The following XPO7 variants were observed in gnomAD, a reference collection of about 807,000 sequenced individuals.
XPO7 encodes exportin-7.
Under a neutral mutation model 144.3 loss-of-function variants are expected in XPO7, and 21 were observed. That is an observed-to-expected ratio of 0.15 (90% CI 0.10 to 0.21). XPO7 has a LOEUF of 0.21. XPO7 is among the 10% of genes least tolerant of loss of function. XPO7 has a pLI of 1.00. For synonymous variants in XPO7, 580 were observed against 499.6 expected (o/e 1.16, Z -2.15); for missense variants, 808 against 1,325.8 (o/e 0.61, Z 6.06).
intron 7 of XPO7, among the ~76,000 whole-genome samples, chr8:21,976,945 C>G (rs878871): frequency 0.21 from 32,171 of 152,176 alleles, 5,025 homozygotes; most frequent in African/African-American, 0.44. Context: ...AGGTGTGAGC[C>G]ACTGTGCCCA....
At chr8:21,983,217 C>T (rs867372576) in intron 11 of XPO7, among the ~76,000 whole-genome samples, 1 of 152,192 alleles carries the variant, frequency 6.6e-6, no homozygotes, top group Non-Finnish European at 1.5e-5. Flanking sequence ...ATCTAGTTAT[C>T]AATTCTAATT....
intron 1 of XPO7, among the ~76,000 whole-genome samples, chr8:21,957,262 G>T (rs1237861387): frequency 6.6e-6 from 1 of 152,094 alleles, no homozygotes; most frequent in Non-Finnish European, 1.5e-5. Flanking sequence ...CTGGCTTGGT[G>T]TCTCTCAGTC....
At chr8:21,960,650 AT>A (rs2117311206) in intron 1 of XPO7, among the ~76,000 whole-genome samples, 1 of 152,386 alleles carries the variant, frequency 6.6e-6, no homozygotes, top group African/African-American at 2.4e-5. Context: ...AGGCTCTGGC[AT>A]AGCATTATCA....
chr8:21,966,996 G>C lies in XPO7; in HGVS notation c.158G>C (p.Arg53Thr). 1 of 1,613,042 alleles carries C rather than the reference G, an allele frequency of 6.2e-7. No individual in the cohort carries two copies. Among genetic ancestry groups the C allele is most frequent in the Non-Finnish European group, 8.5e-7 (1 of 1,179,464 alleles). ...CLSKCQLLLERGSSSYSQLLA... is the reference protein window; with the variant it reads ...CLSKCQLLLETGSSSYSQLLA... Reference sequence around the variant, plus strand: ...AGCAAGTGCCAGCTACTCCTCGAAAGAGGAAGTGTGCGTAAGATCTGAAAA... The same window carrying C: ...AGCAAGTGCCAGCTACTCCTCGAAACAGGAAGTGTGCGTAAGATCTGAAAA... The change falls in exon 2 of 28, where the codon AGA becomes ACA. Residue 53 changes from arginine (R) to threonine (T), a missense_variant. Around this residue, in one of 5 missense-constraint regions of XPO7, gnomAD observed 223 missense variants for 368.8 expected, o/e 0.60. Coordinates refer to ENST00000252512, the MANE Select transcript of XPO7 (RefSeq NM_015024.5).
chr8:21,983,849 GCTGCTC>G (rs1433345639), intron 11 of XPO7, among the ~76,000 whole-genome samples: 6 of 146,190 alleles, frequency 4.1e-5, no homozygotes, highest in African/African-American at 1.6e-4. Context: ...TTTTAGTGCT[GCTGCTC>G]CTGCTGCTGC....
At chr8:21,951,617 C>T (rs1338951566) in intron 1 of XPO7, among the ~76,000 whole-genome samples, 1 of 152,144 alleles carries the variant, frequency 6.6e-6, no homozygotes, top group Non-Finnish European at 1.5e-5. Flanking sequence ...TTTGCATGTT[C>T]AGTAGCCTGC....
At chr8:21,967,640 G>A (rs567923891) in intron 2 of XPO7, among the ~76,000 whole-genome samples, 11 of 152,134 alleles carry the variant, frequency 7.2e-5, no homozygotes, top group African/African-American at 2.6e-4. Context: ...GCCAATAAAT[G>A]ACCTTTTTAA....
intron 11 of XPO7, 43 bp from the exon 12 acceptor site, chr8:21,984,603 T>C (rs1812516082): frequency 1.3e-6 from 2 of 1,530,424 alleles, no homozygotes; most frequent in African/African-American, 2.7e-5. Flanking sequence ...AAATCAGTAG[T>C]CATATTTTAA....
rs1812558033 is a variant in XPO7 at position 21,985,752 on chromosome 8, A to T, written c.1577+61A>T. 59 of 1,430,686 alleles carry T rather than the reference A, an allele frequency of 4.1e-5. No individual in the cohort carries two copies. The South Asian group carries it at 4.9e-4, about 12-fold the overall frequency. The allele number at this position is 1,430,686 out of a possible 1,614,324, so 88.6% of individuals were successfully genotyped here. A position where few individuals can be genotyped will look rare whatever the true frequency, so the allele number is the denominator to read the frequency against. ...TGCTGGCACTTCTCCACTCCCCGAT[A>T]GGGTCCTCTCCACTTACAGAACGTA... is the stretch of plus-strand genomic sequence containing the variant. On this transcript the variant is annotated intron_variant, in intron 13 of 27. Transcript: ENST00000252512.
At chr8:21,979,338 C>T (rs1812327602) in intron 8 of XPO7, among the ~76,000 whole-genome samples, 1 of 152,024 alleles carries the variant, frequency 6.6e-6, no homozygotes, top group Non-Finnish European at 1.5e-5. Context: ...AGCCACCACA[C>T]CTGGCCAAAG....
chr8:21,936,077 T>A (rs1487671250), intron 1 of XPO7, among the ~76,000 whole-genome samples: 2 of 152,220 alleles, frequency 1.3e-5, no homozygotes, highest in African/African-American at 4.8e-5. Flanking sequence ...TTACCACCTA[T>A]CAGACAATTT....
chr8:21,979,564 C>T (rs964906511), intron 8 of XPO7, among the ~76,000 whole-genome samples: 74 of 151,938 alleles, frequency 4.9e-4, no homozygotes, highest in African/African-American at 1.7e-3. Context: ...CCTGCCACCA[C>T]GCCCAGCTAA....
chr8:21,996,899 C>T (rs533304924), intron 21 of XPO7, among the ~76,000 whole-genome samples: 5 of 152,286 alleles, frequency 3.3e-5, no homozygotes, highest in African/African-American at 9.6e-5. Context: ...CTTAACGCCT[C>T]CTGGGTTCAA....
At chr8:21,978,785 A>C (rs1270089795) in intron 8 of XPO7, among the ~76,000 whole-genome samples, 1 of 152,200 alleles carries the variant, frequency 6.6e-6, no homozygotes, top group East Asian at 1.9e-4. Flanking sequence ...AGCCATCACT[A>C]GAGAAACTCT....
chr8:21,957,471 A>T (rs975429439), intron 1 of XPO7, among the ~76,000 whole-genome samples: 1 of 152,156 alleles, frequency 6.6e-6, no homozygotes, highest in African/African-American at 2.4e-5. Flanking sequence ...AGTTCATTTA[A>T]GTCAGTTACC....
At position 21,998,741 on chromosome 8, in the gene XPO7, T is replaced by C; in HGVS notation, c.2346-14T>C. On this transcript the variant is annotated splice_polypyrimidine_tract_variant and intron_variant, in intron 21 of 27. Coordinates refer to ENST00000252512, the MANE Select transcript of XPO7 (RefSeq NM_015024.5). ...ACACCTCTGACTTTTTCTCCTCCTG[T>C]GCTCTCTGCTCAGGTCCCAGCGACT... The C allele has an allele frequency of 6.2e-7, 1 of 1,613,180 alleles. No homozygotes were observed. Among genetic ancestry groups the C allele is most frequent in the South Asian group, 1.1e-5 (1 of 91,046 alleles).
chr8:21,971,784 AG>A, intron 4 of XPO7, 91 bp from the exon 5 acceptor site: 1 of 989,844 alleles, frequency 1.0e-6, no homozygotes, highest in South Asian at 1.7e-5. Flanking sequence ...CTAATGACAC[AG>A]GAACCCGTCA....
chr8:21,959,806 G>A (rs546999674), intron 1 of XPO7, among the ~76,000 whole-genome samples: 5 of 152,210 alleles, frequency 3.3e-5, no homozygotes, highest in African/African-American at 9.6e-5. Flanking sequence ...GTAACAAAAT[G>A]CATTTACTTT....
intron 11 of XPO7, among the ~76,000 whole-genome samples, chr8:21,983,812 T>C (rs1382612935): frequency 6.6e-6 from 1 of 152,194 alleles, no homozygotes; most frequent in East Asian, 1.9e-4. Flanking sequence ...TGGCACAGTG[T>C]GTAGCACATG....
Sources: gnomAD v4.1 joint callset for allele counts (sites outside exome capture counted in the v4.1 genomes callset) on GRCh38, gnomAD v4.1.1 for gene constraint, gnomAD v4.1.1 regional missense constraint, MANE v1.5 for transcripts, NCBI Gene and HGNC (gene_info 2026-07-23, HGNC 2026-07-21) for gene names.